The following NELL1 variants were observed in gnomAD, a reference collection of about 807,000 sequenced individuals.
NELL1 encodes protein kinase C-binding protein NELL1.
Under a neutral mutation model 107.4 loss-of-function variants are expected in NELL1, and 76 were observed. That is an observed-to-expected ratio of 0.71 (90% confidence interval 0.59 to 0.86). NELL1 has a LOEUF of 0.86. Ranked by LOEUF, NELL1 falls within the 40% of genes least tolerant of loss-of-function variation. The pLI, the probability that NELL1 is intolerant of heterozygous loss-of-function variation, is 0.00. For synonymous variants in NELL1, 353 were observed against 341.2 expected (o/e 1.03, Z -0.38); for missense variants, 1,024 against 1,005.5 (o/e 1.02, Z -0.25).
At chr11:21,029,932 T>C (rs1319130434) in intron 12 of NELL1, among the ~76,000 whole-genome samples, 1 of 152,154 alleles carries the variant, frequency 6.6e-6, no homozygotes, top group Admixed American at 6.5e-5. Flanking sequence ...GAAAACAAGA[T>C]TGAAGATCTT....
At chr11:20,930,007 A>T (rs1204329060) in intron 9 of NELL1, among the ~76,000 whole-genome samples, 1 of 150,344 alleles carries the variant, frequency 6.7e-6, no homozygotes, top group Non-Finnish European at 1.5e-5. Flanking sequence ...GCTATTAGGG[A>T]TGTATTAAAA....
chr11:21,522,233 C>A (rs201742504), intron 15 of NELL1, among the ~76,000 whole-genome samples: 321 of 128,238 alleles, frequency 2.5e-3, no homozygotes, highest in Middle Eastern at 4.3e-3. Context: ...GACTCCGTCT[C>A]AAAAAAAAAA....
chr11:21,304,287 C>G (rs982665596), intron 14 of NELL1, among the ~76,000 whole-genome samples: 2 of 151,994 alleles, frequency 1.3e-5, no homozygotes, highest in Admixed American at 1.3e-4. Context: ...TTCCTTTTAT[C>G]TCTGTAGATG....
intron 14 of NELL1, among the ~76,000 whole-genome samples, chr11:21,232,346 A>T (rs923185313): frequency 2.7e-5 from 4 of 148,080 alleles, no homozygotes; most frequent in South Asian, 2.1e-4. Flanking sequence ...AAAAAAAAAA[A>T]TTGATTAGTA....
chr11:21,203,292 A>G (rs765413508), intron 13 of NELL1, among the ~76,000 whole-genome samples: 1 of 152,072 alleles, frequency 6.6e-6, no homozygotes, highest in Non-Finnish European at 1.5e-5. Context: ...TTGCTTTTTG[A>G]ATCTGGGTGC....
At chr11:21,080,092 C>T (rs995982534) in intron 12 of NELL1, among the ~76,000 whole-genome samples, 2 of 152,004 alleles carry the variant, frequency 1.3e-5, no homozygotes, top group African/African-American at 4.8e-5. Context: ...ATGTCCTAGA[C>T]ACTGTGCTAA....
chr11:21,423,285 G>A (rs529373919), intron 15 of NELL1, among the ~76,000 whole-genome samples: 9 of 152,100 alleles, frequency 5.9e-5, no homozygotes, highest in African/African-American at 7.2e-5. Flanking sequence ...CAGGAGAATC[G>A]CTTGAACCCA....
chr11:21,354,134 A>T (rs1850876662), intron 14 of NELL1, among the ~76,000 whole-genome samples: 1 of 152,258 alleles, frequency 6.6e-6, no homozygotes, highest in Admixed American at 6.5e-5. Context: ...GCCCAATGTC[A>T]CATAGCTAGA....
intron 1 of NELL1, among the ~76,000 whole-genome samples, chr11:20,671,743 C>T (rs1298313652): frequency 6.6e-6 from 1 of 151,134 alleles, no homozygotes; most frequent in Non-Finnish European, 1.5e-5. Context: ...TAGATAGAAA[C>T]TGGCAGGCAT....
At chr11:21,263,362 G>A (rs1257736285) in intron 14 of NELL1, among the ~76,000 whole-genome samples, 3 of 151,902 alleles carry the variant, frequency 2.0e-5, no homozygotes, top group Non-Finnish European at 2.9e-5. Flanking sequence ...TGGGGTAACG[G>A]CGAGCCATTC....
intron 2 of NELL1, among the ~76,000 whole-genome samples, chr11:20,777,378 T>C (rs1856770731): frequency 6.6e-6 from 1 of 152,072 alleles, no homozygotes; most frequent in South Asian, 2.1e-4. Context: ...CAAATGGAGG[T>C]TTAATGGAAT....
At chr11:21,391,391 C>T (rs1851875339) in intron 15 of NELL1, among the ~76,000 whole-genome samples, 1 of 151,214 alleles carries the variant, frequency 6.6e-6, no homozygotes, top group South Asian at 2.1e-4. Context: ...ACTTAAAAAT[C>T]CCTGGTTTCA....
At chr11:20,997,784 G>A (rs12280647) in intron 12 of NELL1, among the ~76,000 whole-genome samples, 17,564 of 151,950 alleles carry the variant, frequency 0.12, 3,232 homozygotes, top group African/African-American at 0.39. Context: ...GACCAGCCTG[G>A]GTAACATAGC....
rs1304174910 is a variant in NELL1, at chr11:20,810,611, T to G, written c.335+26781T>G. On this transcript the variant is annotated intron_variant, in intron 3 of 19. Transcript: ENST00000357134. ...ATATACCATAGTTTCTTTATCCATT[T>G]GTTGATTGATGGGCATTTGGGTTGG... Among the ~76,000 whole-genome samples, 7 of 152,356 alleles carry G rather than the reference T, an allele frequency of 4.6e-5. No homozygotes were observed. In the East Asian group the frequency reaches 1.3e-3, roughly 29 times the overall value.
At chr11:21,446,541 A>G (rs76566171) in intron 15 of NELL1, among the ~76,000 whole-genome samples, 12,833 of 152,176 alleles carry the variant, frequency 0.084, 716 homozygotes, top group Non-Finnish European at 0.12. Context: ...TTTTTTGTCA[A>G]TGTAGCCATA....
intron 14 of NELL1, among the ~76,000 whole-genome samples, chr11:21,239,861 A>C (rs1346323675): frequency 6.6e-6 from 1 of 151,820 alleles, no homozygotes; most frequent in Non-Finnish European, 1.5e-5. Flanking sequence ...TTGTAGGAGA[A>C]GGTGGAACAG....
At chr11:21,246,606 A>G (rs1858498924) in intron 14 of NELL1, among the ~76,000 whole-genome samples, 1 of 152,142 alleles carries the variant, frequency 6.6e-6, no homozygotes, top group Non-Finnish European at 1.5e-5. Flanking sequence ...TATTTTTTCT[A>G]GGCTACAAGC....
chr11:21,522,335 TTAGA>T (rs1204562002), intron 15 of NELL1, among the ~76,000 whole-genome samples: 12 of 152,146 alleles, frequency 7.9e-5, no homozygotes, highest in East Asian at 5.8e-4. Flanking sequence ...CAACAGGTGA[TTAGA>T]TAAAGAAAAT....
At chr11:21,286,999 G>A (rs78232258) in intron 14 of NELL1, among the ~76,000 whole-genome samples, 4,512 of 152,280 alleles carry the variant, frequency 0.03, 235 homozygotes, top group African/African-American at 0.1. Context: ...CGTAAAACCT[G>A]TGTTGTTGTG....
Sources: gnomAD v4.1 joint callset for allele counts (sites outside exome capture counted in the v4.1 genomes callset) on GRCh38, gnomAD v4.1.1 for gene constraint, MANE v1.5 for transcripts, NCBI Gene and HGNC (gene_info 2026-07-23, HGNC 2026-07-21) for gene names.